The following ZNF174 variants were observed in gnomAD, a reference collection of about 807,000 sequenced individuals.
ZNF174 encodes the protein AW-1.
Under a neutral mutation model 38.7 loss-of-function variants are expected in ZNF174, and 30 were observed. The observed-to-expected ratio is 0.78, with a 90% CI of 0.58 to 1.05. The LOEUF (loss-of-function observed/expected upper bound fraction) is 1.05. Among genes scored for constraint, ZNF174 ranks in the 50% least tolerant of loss-of-function variants. ZNF174 has a pLI of 0.00. For missense variants in ZNF174, 499 were observed against 495.6 expected, an observed-to-expected ratio of 1.01 and a Z score of -0.06; for synonymous variants, 201 against 181.7, an observed-to-expected ratio of 1.11 and a Z score of -0.86.
At chr16:3,404,890 A>G in intron 2 of ZNF174, 1 of 1,612,532 alleles carries the variant, frequency 6.2e-7, no homozygotes, top group Non-Finnish European at 8.5e-7. Flanking sequence ...GGTTGTACCT[A>G]CTTTTCTGTC....
Position 3,408,491 on chromosome 16 carries a change from T to A in ZNF174, c.796T>A (p.Ser266Thr). Residue 266 changes from serine (S) to threonine (T), a missense_variant, in exon 3 of 3, where the codon TCC (serine) becomes ACC (threonine). Transcript: ENST00000268655. The part of the protein sequence containing the change: ...EPRLSRRQVS[S>T]PNAQKPFAHY... Reference sequence around the variant, plus strand: ...TCGGTTGTCACGGAGGCAGGTCAGCTCCCCAAATGCTCAAAAGCCATTTGC... The same window carrying A: ...TCGGTTGTCACGGAGGCAGGTCAGCACCCCAAATGCTCAAAAGCCATTTGC... 2 of 1,613,924 alleles carry A rather than the reference T, an allele frequency of 1.2e-6. No individual in the cohort carries two copies. Among genetic ancestry groups the A allele is most frequent in the South Asian group, 1.1e-5 (1 of 91,070 alleles).
At chr16:3,404,376 G>T in intron 1 of ZNF174, 50 bp from the exon 2 acceptor site, 1 of 1,515,632 alleles carries the variant, frequency 6.6e-7, no homozygotes, top group Non-Finnish European at 8.9e-7. Flanking sequence ...GAGAGATCAA[G>T]CTTCCCTCAG....
At chr16:3,402,996 C>A (rs185252793) in intron 1 of ZNF174, among the ~76,000 whole-genome samples, 1 of 152,150 alleles carries the variant, frequency 6.6e-6, no homozygotes, top group Non-Finnish European at 1.5e-5. Context: ...GTTCTTAAAT[C>A]CCTTCTGTCA....
Position 3,401,915 on chromosome 16 carries a change from A to T in ZNF174, c.-90A>T. The T allele has an allele frequency of 6.7e-7, 1 of 1,487,334 alleles. No homozygotes were observed. The highest frequency in any genetic ancestry group is 9.1e-7 in the Non-Finnish European group (1 of 1,100,950). 92.1% of individuals were successfully genotyped at this position (1,487,334 alleles called of 1,614,324 possible). A position where few individuals can be genotyped will look rare whatever the true frequency, so the allele number is the denominator to read the frequency against. ...ATCCTCAGAGAACCTTCGTTTCTAG[A>T]ATCTTTCTAGTATTCAGAGACTTCT... On this transcript the variant is annotated 5_prime_UTR_variant, in exon 1 of 3. Transcript: ENST00000268655.
Position 3,402,218 on chromosome 16 carries a change from C to T in ZNF174, c.214C>T (p.Arg72Cys), listed in dbSNP as rs1283857602. ...TCTCTCCCAGCTCCGACAGCTCTGC[C>T]GTCAGTGGTTGCAACCCGAGCTGCA... ...EALSQLRQLC[R>C]QWLQPELHTK... Residue 72 changes from arginine (R) to cysteine (C), a missense_variant, in exon 1 of 3, where the codon CGT becomes TGT. Coordinates refer to ENST00000268655, the MANE Select transcript of ZNF174 (RefSeq NM_003450.3). 11 of 1,614,006 alleles carry T rather than the reference C, an allele frequency of 6.8e-6. No individual in the cohort carries two copies. The highest frequency in any genetic ancestry group is 6.6e-5 in the South Asian group (6 of 91,090).
chr16:3,405,071 T>C, intron 2 of ZNF174: 1 of 1,555,904 alleles, frequency 6.4e-7, no homozygotes, highest in Non-Finnish European at 8.7e-7. Flanking sequence ...GTGATGTTGC[T>C]TGTACTTTAG....
rs1278903767 is a variant in ZNF174 at position 3,409,260 on chromosome 16, T to C, written c.*341T>C. ...CTCTGTTGCTTTATCCTCTAAAATA[T>C]GTTAAGGGATAAATTCTATATATAT... On this transcript the variant is annotated 3_prime_UTR_variant, in exon 3 of 3. Coordinates refer to ENST00000268655, the MANE Select transcript of ZNF174 (RefSeq NM_003450.3). 4.0e-6 allele frequency: 1 copy of C among 250,098 alleles called. No individual in the cohort carries two copies. Among genetic ancestry groups the C allele is most frequent in the Admixed American group, 5.0e-5 (1 of 20,100 alleles). 15.5% of individuals were successfully genotyped at this position (250,098 alleles called of 1,614,324 possible). A position where few individuals can be genotyped will look rare whatever the true frequency, so the allele number is the denominator to read the frequency against.
intron 1 of ZNF174, among the ~76,000 whole-genome samples, chr16:3,403,565 C>T (rs2034001192): frequency 6.6e-6 from 1 of 151,118 alleles, no homozygotes; most frequent in Admixed American, 6.6e-5. Flanking sequence ...CAGCTCGCTG[C>T]AACCTCCATG....
chr16:3,402,462 T>TTG (rs1555478294), intron 1 of ZNF174, 56 bp downstream of exon 1: 1 of 1,525,678 alleles, frequency 6.6e-7, no homozygotes, highest in Non-Finnish European at 8.8e-7. Flanking sequence ...TCTTTTTTTT[T>TTG]TTTTTTCTTT....
rs78163052 is a variant in ZNF174 at position 3,402,133 on chromosome 16, G to A, written c.129G>A (p.Glu43=). Residue 43 remains glutamate, a synonymous_variant, in exon 1 of 3, where the codon GAG becomes GAA. Transcript: ENST00000268655. ...TGCAAAAAAACTGCCCAGATCCTGA[G>A]CTCTGCCGCCAGAGCTTCAGACGCT... is the stretch of plus-strand genomic sequence containing the variant. ...PPLQKNCPDP[E]LCRQSFRRFC... is the part of the protein sequence containing the mutation. The A allele has an allele frequency of 3.1e-6, 5 of 1,614,034 alleles. No homozygotes were observed. Among genetic ancestry groups the A allele is most frequent in the Non-Finnish European group, 4.2e-6 (5 of 1,180,026 alleles).
At chr16:3,407,818 A>T (rs2034075854) in intron 2 of ZNF174, among the ~76,000 whole-genome samples, 1 of 152,254 alleles carries the variant, frequency 6.6e-6, no homozygotes. Flanking sequence ...AAAACATCAC[A>T]GTCTCTGAAC....
chr16:3,407,372 G>A (rs2034069756), intron 2 of ZNF174, among the ~76,000 whole-genome samples: 2 of 152,094 alleles, frequency 1.3e-5, no homozygotes. Flanking sequence ...TCATTCTCTT[G>A]TATGTGGAAA....
At chr16:3,403,482 C>G (rs1194843818) in intron 1 of ZNF174, among the ~76,000 whole-genome samples, 1 of 142,942 alleles carries the variant, frequency 7.0e-6, no homozygotes, top group Non-Finnish European at 1.5e-5. Context: ...AGCTTTTTGT[C>G]TTTGATTTTT....
intron 1 of ZNF174, among the ~76,000 whole-genome samples, chr16:3,403,639 C>CA (rs2034003377): frequency 6.6e-6 from 1 of 152,088 alleles, no homozygotes; most frequent in Non-Finnish European, 1.5e-5. Context: ...TACATGCCAC[C>CA]ATGCGTGGCT....
chr16:3,403,148 G>GTTTTTTTTTTTTTTTT (rs1567340030), intron 1 of ZNF174, among the ~76,000 whole-genome samples: 1 of 57,678 alleles, frequency 1.7e-5, no homozygotes, highest in African/African-American at 7.5e-5. Context: ...TTAGCTTATA[G>GTTTTTTTTTTTTTTTT]TCTTTTTTTT....
At chr16:3,402,583 C>T (rs553527769) in intron 1 of ZNF174, among the ~76,000 whole-genome samples, 177 bp downstream of exon 1, 37 of 151,968 alleles carry the variant, frequency 2.4e-4, no homozygotes, top group Non-Finnish European at 4.3e-4. Flanking sequence ...CTCAGCCTCC[C>T]GAGTAGCTGG....
chr16:3,408,172 C>T (rs1284503337), intron 2 of ZNF174, 149 bp from the exon 3 acceptor site: 14 of 753,162 alleles, frequency 1.9e-5, no homozygotes, highest in Non-Finnish European at 3.0e-5. Flanking sequence ...GGTGAAGAGC[C>T]TGCTTGTTTA....
Position 3,404,839 on chromosome 16 carries a change from G to T in ZNF174, c.625+191G>T, listed in dbSNP as rs766613192. The T allele has an allele frequency of 8.2e-6, 13 of 1,589,600 alleles. No individual in the cohort carries two copies. In the Admixed American group the frequency reaches 2.3e-4, roughly 29 times the overall value. The stretch of plus-strand genomic sequence containing the variant: ...TACTACAAGTAAGTATGTTTTTATC[G>T]TTTTCTGTTAATGAAAATTTAAGAA... On this transcript the variant is annotated intron_variant, in intron 2 of 2. Transcript: ENST00000268655.
At chr16:3,403,767 G>A (rs1166670072) in intron 1 of ZNF174, among the ~76,000 whole-genome samples, 2 of 152,204 alleles carry the variant, frequency 1.3e-5, no homozygotes, top group Admixed American at 1.3e-4. Context: ...GATTACAGGA[G>A]TGAGCCACAC....
Sources: allele counts gnomAD v4.1 joint callset (sites outside exome capture counted in the v4.1 genomes callset), GRCh38; gene constraint gnomAD v4.1.1; transcripts MANE v1.5; gene names NCBI Gene and HGNC (gene_info 2026-07-23, HGNC 2026-07-21).